Variants in NME5 observed in about 807,000 individuals in gnomAD.
The protein encoded by NME5 is nucleoside diphosphate kinase 5.
In NME5, 18 loss-of-function variants were observed where a neutral mutation model predicts 21.6. That is an observed-to-expected ratio of 0.83 (90% CI 0.58 to 1.24). The LOEUF (loss-of-function observed/expected upper bound fraction) is 1.24, where lower values mean the gene tolerates loss of function less well. Ranked by LOEUF, NME5 falls within the 50% of genes most tolerant of loss-of-function variation. NME5 has a pLI of 0.00. For synonymous variants in NME5, 70 were observed against 80.6 expected (o/e 0.87, Z 0.71); for missense variants, 223 against 255.4 (o/e 0.87, Z 0.86).
At position 138,115,397 on chromosome 5, in the gene NME5, T is replaced by C. The variant is rs1267663101; in HGVS notation, c.*284A>G. On this transcript the variant is annotated 3_prime_UTR_variant, in exon 6 of 6. Coordinates refer to ENST00000265191, the MANE Select transcript of NME5 (RefSeq NM_003551.3). The stretch of plus-strand genomic sequence containing the variant: ...TGGGAAAATGTATAACTAAACTTTA[T>C]GTCTTACTTCTCAAACTTAAGAAAA... 1 of 219,182 alleles carries C rather than the reference T, an allele frequency of 4.6e-6. No homozygotes were observed. Among genetic ancestry groups the C allele is most frequent in the Non-Finnish European group, 8.9e-6 (1 of 112,032 alleles). The allele number at this position is 219,182 out of a possible 1,614,324, so 13.6% of individuals were successfully genotyped here.
chr5:138,134,455 G>A (rs569733330), intron 2 of NME5, among the ~76,000 whole-genome samples: 2 of 151,742 alleles, frequency 1.3e-5, no homozygotes, highest in East Asian at 3.9e-4. Flanking sequence ...TGTTGGCCAG[G>A]CTGGTCTCGA....
At position 138,139,390 on chromosome 5, in the gene NME5, T is replaced by C. The variant is rs1398778830; in HGVS notation, c.-25A>G. ...ACTCACCTCAGCGGCCGTCCTCATATGGTACAACTTGTTGCTAGGAGACCT... is the reference window on the plus strand; with the variant it reads ...ACTCACCTCAGCGGCCGTCCTCATACGGTACAACTTGTTGCTAGGAGACCT... On this transcript the variant is annotated 5_prime_UTR_variant, in exon 1 of 6. Transcript: ENST00000265191. The C allele has an allele frequency of 7.1e-6, 7 of 985,502 alleles. No individual in the cohort carries two copies. The South Asian group carries it at 2.8e-4, about 40-fold the overall frequency. 61.0% of individuals were successfully genotyped at this position (985,502 alleles called of 1,614,324 possible). A position where few individuals can be genotyped will look rare whatever the true frequency, so the allele number is the denominator to read the frequency against.
chr5:138,117,174 A>C (rs1321969489), intron 5 of NME5, among the ~76,000 whole-genome samples: 1 of 144,984 alleles, frequency 6.9e-6, no homozygotes, highest in Non-Finnish European at 1.5e-5. Flanking sequence ...GCGCCACCAG[A>C]CTCCAGCATG....
At chr5:138,135,931 G>T (rs574804391) in intron 2 of NME5, among the ~76,000 whole-genome samples, 4 of 151,786 alleles carry the variant, frequency 2.6e-5, no homozygotes, top group Admixed American at 2.0e-4. Flanking sequence ...ATGATTTTGT[G>T]TTTTTTTTGC....
At chr5:138,138,905 T>C (rs1169137012) in intron 1 of NME5, 120 bp from the exon 2 acceptor site, 1 of 897,952 alleles carries the variant, frequency 1.1e-6, no homozygotes, top group East Asian at 2.5e-5. Context: ...AGTAGGTACT[T>C]GATTTTATTA....
At chr5:138,138,085 A>G (rs1465694855) in intron 2 of NME5, among the ~76,000 whole-genome samples, 1 of 152,234 alleles carries the variant, frequency 6.6e-6, no homozygotes, top group African/African-American at 2.4e-5. Flanking sequence ...AATGCTATTT[A>G]TATTCACTTT....
At chr5:138,130,129 A>C (rs1327504942) in intron 2 of NME5, among the ~76,000 whole-genome samples, 1 of 152,212 alleles carries the variant, frequency 6.6e-6, no homozygotes, top group Non-Finnish European at 1.5e-5. Flanking sequence ...TAGTACTTAG[A>C]AATAACAGCT....
chr5:138,126,527 A>G lies in NME5; in HGVS notation c.436+1952T>C, dbSNP rs1442446631. Among the ~76,000 whole-genome samples the G allele has an allele frequency of 2.7e-5, 4 of 150,656 alleles. No homozygotes were observed. In the East Asian group the frequency reaches 7.7e-4, roughly 29 times the overall value. On this transcript the variant is annotated intron_variant, in intron 4 of 5. Transcript: ENST00000265191. ...ATCTATCTCAAAAAAAAAAAAAAAA[A>G]AAAAAAAAAGAAAGAAAGCGAAAAG...
Position 138,115,643 on chromosome 5 carries a change from A to T in NME5, c.*38T>A. 1 of 1,295,370 alleles carries T rather than the reference A, an allele frequency of 7.7e-7. No homozygotes were observed. Among genetic ancestry groups the T allele is most frequent in the Non-Finnish European group, 1.1e-6 (1 of 936,072 alleles). 80.2% of individuals were successfully genotyped at this position (1,295,370 alleles called of 1,614,324 possible). A position where few individuals can be genotyped will look rare whatever the true frequency, so the allele number is the denominator to read the frequency against. Reference sequence around the variant, plus strand: ...CAGTAGAAGTACAGCCTTTTATAATAAGATAGTTCATGATTTGTTCTTTCG... The same window carrying T: ...CAGTAGAAGTACAGCCTTTTATAATTAGATAGTTCATGATTTGTTCTTTCG... On this transcript the variant is annotated 3_prime_UTR_variant, in exon 6 of 6. Transcript: ENST00000265191.
At chr5:138,131,617 C>A (rs1581384726) in intron 2 of NME5, among the ~76,000 whole-genome samples, 2 of 151,618 alleles carry the variant, frequency 1.3e-5, no homozygotes, top group Admixed American at 1.3e-4. Flanking sequence ...ACACTCTGGA[C>A]AAATAGATGT....
At chr5:138,124,661 C>A (rs987169824) in intron 4 of NME5, among the ~76,000 whole-genome samples, 1 of 152,146 alleles carries the variant, frequency 6.6e-6, no homozygotes, top group Non-Finnish European at 1.5e-5. Context: ...GCTGGGACCA[C>A]AGGTGTACAC....
chr5:138,128,805 G>T (rs1751492689), intron 3 of NME5, among the ~76,000 whole-genome samples: 1 of 152,120 alleles, frequency 6.6e-6, no homozygotes, highest in African/African-American at 2.4e-5. Context: ...GAGTTCTCTG[G>T]ATAAAAACGT....
chr5:138,124,687 AT>A (rs940074024), intron 4 of NME5, among the ~76,000 whole-genome samples: 1 of 151,750 alleles, frequency 6.6e-6, no homozygotes, highest in African/African-American at 2.4e-5. Flanking sequence ...CCCCCAGCTA[AT>A]TTTTTTATTT....
intron 2 of NME5, among the ~76,000 whole-genome samples, chr5:138,137,002 A>AC (rs954858936): frequency 2.7e-5 from 4 of 148,002 alleles, no homozygotes; most frequent in East Asian, 2.0e-4. Context: ...AGTCATAACA[A>AC]AAAAAAAAAA....
chr5:138,122,463 A>AAAAAAAAAAAG (rs1196337031), intron 4 of NME5, among the ~76,000 whole-genome samples: 5 of 149,020 alleles, frequency 3.4e-5, no homozygotes, highest in African/African-American at 7.4e-5. Flanking sequence ...AAAAAAAAAA[A>AAAAAAAAAAAG]AAAAAATTGT....
intron 2 of NME5, among the ~76,000 whole-genome samples, chr5:138,135,940 G>C (rs1224233754): frequency 6.6e-6 from 1 of 151,368 alleles, no homozygotes; most frequent in African/African-American, 2.4e-5. Context: ...TGTTTTTTTT[G>C]CTATTTTGTT....
chr5:138,134,775 G>T (rs568287429), intron 2 of NME5, among the ~76,000 whole-genome samples: 165 of 150,480 alleles, frequency 1.1e-3, no homozygotes, highest in African/African-American at 3.9e-3. Flanking sequence ...ACCCAGGCTG[G>T]AGTGCAGTGG....
intron 4 of NME5, among the ~76,000 whole-genome samples, chr5:138,119,328 C>T (rs1332905568): frequency 6.6e-6 from 1 of 152,100 alleles, no homozygotes; most frequent in Non-Finnish European, 1.5e-5. Flanking sequence ...GCCTCAGCCT[C>T]CTAAGTAGAC....
chr5:138,132,801 G>A (rs1322093001), intron 2 of NME5, among the ~76,000 whole-genome samples: 1 of 152,134 alleles, frequency 6.6e-6, no homozygotes, highest in African/African-American at 2.4e-5. Flanking sequence ...TGAAAAAGGT[G>A]CTGACATTTG....
Sources: gnomAD v4.1 joint callset for allele counts (sites outside exome capture counted in the v4.1 genomes callset) on GRCh38, gnomAD v4.1.1 for gene constraint, MANE v1.5 for transcripts, NCBI Gene and HGNC (gene_info 2026-07-23, HGNC 2026-07-21) for gene names.